Variants in HS3ST4 observed in about 807,000 individuals in gnomAD.
HS3ST4 encodes the protein heparan sulfate glucosamine 3-O-sulfotransferase 4.
In HS3ST4, 17 loss-of-function variants were observed where a neutral mutation model predicts 29.2. The observed-to-expected ratio is 0.58, with a 90% confidence interval of 0.40 to 0.87. The LOEUF (loss-of-function observed/expected upper bound fraction) is 0.87. HS3ST4 is among the 40% of genes least tolerant of loss of function. The probability of loss-of-function intolerance (pLI) is 0.00; values close to 1 mark genes in which losing one functional copy is unlikely to be tolerated. For synonymous variants in HS3ST4, 314 were observed against 285.7 expected (o/e 1.10, Z -1.00); for missense variants, 627 against 634.5 (o/e 0.99, Z 0.13).
chr16:25,893,037 T>C (rs1968025214), intron 1 of HS3ST4, among the ~76,000 whole-genome samples: 1 of 152,158 alleles, frequency 6.6e-6, no homozygotes, highest in Non-Finnish European at 1.5e-5. Context: ...AAAATCTGTT[T>C]GAGCTGTTAA....
At chr16:26,060,070 G>A (rs951169780) in intron 1 of HS3ST4, among the ~76,000 whole-genome samples, 13 of 152,122 alleles carry the variant, frequency 8.5e-5, no homozygotes, top group East Asian at 3.9e-4. Context: ...GAGCCACTGC[G>A]CCCAGCCTAT....
At position 25,916,083 on chromosome 16, in the gene HS3ST4, A is replaced by G. The variant is rs147636658; in HGVS notation, c.735-219529A>G. Reference sequence around the variant, plus strand: ...AATTGTCATTCATTATGCATCAGTTATGTACCAGACAACCACAGAACTCAT... The same window carrying G: ...AATTGTCATTCATTATGCATCAGTTGTGTACCAGACAACCACAGAACTCAT... On this transcript the variant is annotated intron_variant, in intron 1 of 1. Coordinates refer to ENST00000331351, the MANE Select transcript of HS3ST4 (RefSeq NM_006040.3). 2.5e-3 allele frequency among the ~76,000 whole-genome samples: 376 copies of G among 152,348 alleles called. 2 individuals carry two copies. Among genetic ancestry groups the G allele is most frequent in the African/African-American group, 8.7e-3 (361 of 41,566 alleles).
At chr16:26,091,457 A>C (rs1360008231) in intron 1 of HS3ST4, among the ~76,000 whole-genome samples, 1 of 152,152 alleles carries the variant, frequency 6.6e-6, no homozygotes, top group East Asian at 1.9e-4. Context: ...GAGCTTGGCC[A>C]TCTGCTTCTT....
intron 1 of HS3ST4, chr16:25,824,703 G>A (rs554044225): frequency 6.6e-6 from 1 of 152,318 alleles, no homozygotes; most frequent in East Asian, 1.9e-4. Flanking sequence ...CAGCATACGA[G>A]GGTCTTGTGT....
intron 1 of HS3ST4, among the ~76,000 whole-genome samples, chr16:25,754,768 G>A (rs751963445): frequency 1.2e-4 from 18 of 151,918 alleles, no homozygotes; most frequent in Non-Finnish European, 2.2e-4. Flanking sequence ...ATCTCCACCT[G>A]GTCCCTCCCA....
In HS3ST4 at chr16:26,046,688, G is replaced by C. The variant is rs952586371; in HGVS notation, c.735-88924G>C. On this transcript the variant is annotated intron_variant, in intron 1 of 1. Transcript: ENST00000331351. ...GATTTTCCTATCTCAGCTTCATGTA[G>C]AGAAATTTATATATGTATATATGTG... Among the ~76,000 whole-genome samples, 5 of 151,974 alleles carry C rather than the reference G, an allele frequency of 3.3e-5. No individual in the cohort carries two copies. The East Asian group carries it at 9.7e-4, about 29-fold the overall frequency.
At chr16:25,756,761 A>G (rs1410365561) in intron 1 of HS3ST4, among the ~76,000 whole-genome samples, 1 of 152,202 alleles carries the variant, frequency 6.6e-6, no homozygotes, top group South Asian at 2.1e-4. Context: ...AAAGAATTAC[A>G]GTGGAGTTGA....
intron 1 of HS3ST4, among the ~76,000 whole-genome samples, chr16:26,023,292 G>GTT (rs1039305515): frequency 1.3e-3 from 204 of 151,184 alleles, no homozygotes; most frequent in African/African-American, 4.7e-3. Context: ...ATAAATATAT[G>GTT]TTTTATATAT....
chr16:25,854,826 T>C (rs1341768250), intron 1 of HS3ST4, among the ~76,000 whole-genome samples: 1 of 151,994 alleles, frequency 6.6e-6, no homozygotes, highest in Non-Finnish European at 1.5e-5. Flanking sequence ...GTAAAATATT[T>C]AAAGAGGTTT....
intron 1 of HS3ST4, among the ~76,000 whole-genome samples, chr16:25,913,861 G>C (rs1417716116): frequency 6.6e-6 from 1 of 150,688 alleles, no homozygotes; most frequent in East Asian, 2.0e-4. Context: ...GGGAGGGTGT[G>C]TGTGGGGGTG....
intron 1 of HS3ST4, among the ~76,000 whole-genome samples, chr16:26,089,156 C>T (rs7188016): frequency 0.53 from 81,238 of 151,970 alleles, 22,525 homozygotes; most frequent in African/African-American, 0.67. Context: ...TCCCACTGTG[C>T]TCCTAGAAGA....
intron 1 of HS3ST4, among the ~76,000 whole-genome samples, chr16:26,110,224 T>C (rs1218519602): frequency 2.0e-5 from 3 of 152,216 alleles, no homozygotes; most frequent in Non-Finnish European, 4.4e-5. Flanking sequence ...ATGACAAGAT[T>C]TCCTTCTTTT....
chr16:25,840,118 GATCAACAGTAT>G (rs988774737), intron 1 of HS3ST4, among the ~76,000 whole-genome samples: 14 of 152,296 alleles, frequency 9.2e-5, no homozygotes, highest in African/African-American at 3.1e-4. Flanking sequence ...AGGCACCCTT[GATCAACAGTAT>G]ATCACTTTCA....
At chr16:25,877,587 C>G (rs1302861838) in intron 1 of HS3ST4, among the ~76,000 whole-genome samples, 2 of 152,140 alleles carry the variant, frequency 1.3e-5, no homozygotes, top group Non-Finnish European at 2.9e-5. Flanking sequence ...GGAATGCTGG[C>G]AGCCACCAGA....
At chr16:25,805,046 T>G (rs1966976740) in intron 1 of HS3ST4, among the ~76,000 whole-genome samples, 1 of 152,154 alleles carries the variant, frequency 6.6e-6, no homozygotes, top group Non-Finnish European at 1.5e-5. Context: ...CATCTTCTCC[T>G]CCAAGTGTGT....
chr16:25,943,312 T>A (rs902635602), intron 1 of HS3ST4, among the ~76,000 whole-genome samples: 1 of 152,230 alleles, frequency 6.6e-6, no homozygotes, highest in Non-Finnish European at 1.5e-5. Context: ...TATGGAATAG[T>A]TCTGAATACT....
At chr16:25,792,732 G>T (rs1287565637) in intron 1 of HS3ST4, among the ~76,000 whole-genome samples, 1 of 151,018 alleles carries the variant, frequency 6.6e-6, no homozygotes. Context: ...TTTTTTTTAG[G>T]TGTTTATCAA....
intron 1 of HS3ST4, among the ~76,000 whole-genome samples, chr16:25,828,322 CTCTCTCTCTCTCTCTCTT>C (rs1567249576): frequency 9.1e-5 from 12 of 132,194 alleles, no homozygotes; most frequent in African/African-American, 3.0e-4. Context: ...CTCTCTCTCT[CTCTCTCTCTCTCTCTCTT>C]TCTCCCTTTC....
At chr16:25,915,916 A>G (rs1277361478) in intron 1 of HS3ST4, among the ~76,000 whole-genome samples, 1 of 152,206 alleles carries the variant, frequency 6.6e-6, no homozygotes, top group Non-Finnish European at 1.5e-5. Context: ...TTGGAGGATT[A>G]AGTGAAATAC....
Sources: gnomAD v4.1 joint callset for allele counts (sites outside exome capture counted in the v4.1 genomes callset) on GRCh38, gnomAD v4.1.1 for gene constraint, MANE v1.5 for transcripts, NCBI Gene and HGNC (gene_info 2026-07-23, HGNC 2026-07-21) for gene names.